AGXT: variants seen among roughly 807,000 people sequenced by gnomAD.
The protein encoded by AGXT is L-alanine: glyoxylate aminotransferase 1.
AGXT carries 41 observed loss-of-function variants against 46.9 expected under a neutral mutation model. The ratio of observed to expected loss-of-function variants is 0.88; its 90% CI spans 0.68 to 1.14. The LOEUF is 1.14. Among genes scored for constraint, AGXT ranks in the 50% most tolerant of loss-of-function variants. The pLI, the probability that AGXT is intolerant of heterozygous loss-of-function variation, is 0.00. For synonymous variants in AGXT, 244 were observed against 227.9 expected (o/e 1.07, Z -0.64); for missense variants, 525 against 522.7 (o/e 1.00, Z -0.04).
At chr2:240,870,826 C>T (rs2058987173) in intron 3 of AGXT, 118 bp downstream of exon 3, 2 of 1,006,344 alleles carry the variant, frequency 2.0e-6, no homozygotes, top group Non-Finnish European at 3.0e-6. Flanking sequence ...AGGCTGGTGG[C>T]TGACCCTCAG....
At chr2:240,873,903 C>A in intron 5 of AGXT, 75 bp from the exon 6 acceptor site, 1 of 1,333,438 alleles carries the variant, frequency 7.5e-7, no homozygotes, top group Non-Finnish European at 1.1e-6. Flanking sequence ...AGCCCATTAG[C>A]TAGGCAGGCA....
At chr2:240,875,401 G>A (rs555777301) in intron 7 of AGXT, among the ~76,000 whole-genome samples, 197 bp downstream of exon 7, 3 of 152,212 alleles carry the variant, frequency 2.0e-5, no homozygotes, top group South Asian at 2.1e-4. Flanking sequence ...CGACTGGCCC[G>A]AGGCTCTGGG....
At chr2:240,875,663 T>C (rs569423619) in intron 7 of AGXT, among the ~76,000 whole-genome samples, 1 of 152,242 alleles carries the variant, frequency 6.6e-6, no homozygotes, top group Non-Finnish European at 1.5e-5. Context: ...ACGCTGGGAC[T>C]GAGGGGCTCC....
intron 5 of AGXT, chr2:240,873,255 G>C: frequency 3.5e-6 from 2 of 578,196 alleles, no homozygotes; most frequent in Non-Finnish European, 6.2e-6. Flanking sequence ...TGAGCTTTCA[G>C]ATCCAGGCGT....
intron 6 of AGXT, among the ~76,000 whole-genome samples, chr2:240,874,695 C>T (rs1419766353): frequency 6.6e-6 from 1 of 152,214 alleles, no homozygotes; most frequent in Non-Finnish European, 1.5e-5. Context: ...TGGGGAGAGG[C>T]CGGGGCTGGC....
At chr2:240,875,796 C>T (rs1175990661) in intron 7 of AGXT, 139 bp from the exon 8 acceptor site, 12 of 947,782 alleles carry the variant, frequency 1.3e-5, no homozygotes, top group Admixed American at 6.2e-5. Context: ...GTTCTGAACC[C>T]GGACAGGACT....
rs369184209 is a variant in AGXT at position 240,869,269 on chromosome 2, G to T, written c.265G>T (p.Ala89Ser). Residue 89 changes from alanine (A) to serine (S), a missense_variant, in exon 2 of 11, where the codon GCC becomes TCC. By Grantham distance (99) the Ala-to-Ser change is moderately conservative. Coordinates refer to ENST00000307503, the MANE Select transcript of AGXT (RefSeq NM_000030.3). ...CTCGGGACACTGTGCCCTGGAGGCC[G>T]CCCTGGTCAATGTGCTGGAGCCTGG... ...SGSGHCALEA[A>S]LVNVLEPGDS... 1.9e-6 allele frequency: 3 copies of T among 1,613,758 alleles called. No individual in the cohort carries two copies. The highest frequency in any genetic ancestry group is 4.5e-5 in the East Asian group (2 of 44,872).
At chr2:240,877,128 C>T (rs6732985) in intron 8 of AGXT, 129,151 of 386,736 alleles carry the variant, frequency 0.33, 23,251 homozygotes, top group Non-Finnish European at 0.4. Context: ...AGCAGTGCTG[C>T]GGAGGATGCC....
intron 7 of AGXT, among the ~76,000 whole-genome samples, chr2:240,875,519 G>A (rs1004617755): frequency 1.3e-5 from 2 of 152,188 alleles, no homozygotes; most frequent in African/African-American, 4.8e-5. Flanking sequence ...CCACTCCTGG[G>A]CCTCAGCTTA....
At position 240,873,891 on chromosome 2, in the gene AGXT, C is replaced by T. The variant is rs2059005132; in HGVS notation, c.596-87C>T. On this transcript the variant is annotated intron_variant, in intron 5 of 10. Coordinates refer to ENST00000307503, the MANE Select transcript of AGXT (RefSeq NM_000030.3). ...GGATTCGTGGTAGGGTCGTAGCCTA[C>T]CAGCCCATTAGCTAGGCAGGCATCC... 2.5e-6 allele frequency: 3 copies of T among 1,211,040 alleles called. No homozygotes were observed. The South Asian group carries it at 3.6e-5, about 15-fold the overall frequency. 75.0% of individuals were successfully genotyped at this position (1,211,040 alleles called of 1,614,324 possible). A position where few individuals can be genotyped will look rare whatever the true frequency, so the allele number is the denominator to read the frequency against.
Position 240,878,760 on chromosome 2 carries a change from T to C in AGXT, c.1118T>C (p.Val373Ala), listed in dbSNP as rs773869672. ...LLGCNATREN[V>A]DRVTEALRAA... ...GGCTGCAATGCCACCCGCGAGAATG[T>C]GGACCGCGTGACGGAGGCCCTGAGG... Residue 373 changes from valine to alanine, a missense_variant, in exon 11 of 11, where the codon GTG (valine) becomes GCG (alanine). Val to Ala is a moderately conservative substitution (Grantham distance 64, BLOSUM62 0). Coordinates refer to ENST00000307503, the MANE Select transcript of AGXT (RefSeq NM_000030.3). 1 of 1,590,978 alleles carries C rather than the reference T, an allele frequency of 6.3e-7. No homozygotes were observed. The highest frequency in any genetic ancestry group is 8.5e-7 in the Non-Finnish European group (1 of 1,172,408).
In AGXT at chr2:240,875,939, C is replaced by G. The variant is rs778567956; in HGVS notation, c.781C>G (p.His261Asp). Residue 261 changes from histidine to aspartate, a missense_variant, in exon 8 of 11, where the codon CAT becomes GAT. His to Asp is a moderately conservative substitution (Grantham distance 81). Coordinates refer to ENST00000307503, the MANE Select transcript of AGXT (RefSeq NM_000030.3). Reference protein sequence around the residue: ...WGCDDQPRMYHHTIPVISLYS... With the variant: ...WGCDDQPRMYDHTIPVISLYS... Reference sequence around the variant, plus strand: ...AAGCCCCCTCGTGTCTTCCAGGTACCATCACACAATCCCCGTCATCAGCCT... The same window carrying G: ...AAGCCCCCTCGTGTCTTCCAGGTACGATCACACAATCCCCGTCATCAGCCT... 1 of 1,614,174 alleles carries G rather than the reference C, an allele frequency of 6.2e-7. No individual in the cohort carries two copies. The highest frequency in any genetic ancestry group is 2.2e-5 in the East Asian group (1 of 44,878).
chr2:240,870,038 CA>C (rs1222642788), intron 2 of AGXT, among the ~76,000 whole-genome samples: 1 of 152,194 alleles, frequency 6.6e-6, no homozygotes, highest in Non-Finnish European at 1.5e-5. Flanking sequence ...AAGTGGACAT[CA>C]GGGCACGCAG....
In AGXT at chr2:240,878,165, C is replaced by T; in HGVS notation, c.1071+15C>T. On this transcript the variant is annotated intron_variant, in intron 10 of 10. Transcript: ENST00000307503. ...CCACGGGGAAGGTGAGAGGGAGCGCCTCGAGGGCCTTTTGCAGAAACCAAA... is the reference window on the plus strand; with the variant it reads ...CCACGGGGAAGGTGAGAGGGAGCGCTTCGAGGGCCTTTTGCAGAAACCAAA... 6.2e-7 allele frequency: 1 copy of T among 1,611,944 alleles called. No homozygotes were observed. The highest frequency in any genetic ancestry group is 2.2e-5 in the East Asian group (1 of 44,864).
chr2:240,877,947 G>T, intron 9 of AGXT, 75 bp from the exon 10 acceptor site: 1 of 1,577,544 alleles, frequency 6.3e-7, no homozygotes, highest in Non-Finnish European at 8.6e-7. Flanking sequence ...TGGGGCAGAT[G>T]GTGCAGGCCA....
At chr2:240,874,092 G>A (rs766211615) in intron 6 of AGXT, 30 bp downstream of exon 6, 58 of 1,607,578 alleles carry the variant, frequency 3.6e-5, no homozygotes, top group Non-Finnish European at 4.6e-5. Flanking sequence ...TCACCTCTGT[G>A]CAGGGCTGGG....
At chr2:240,874,419 C>T (rs2059011348) in intron 6 of AGXT, among the ~76,000 whole-genome samples, 1 of 152,240 alleles carries the variant, frequency 6.6e-6, no homozygotes, top group African/African-American at 2.4e-5. Context: ...ACGTGGGCCA[C>T]ACACAGTGCC....
chr2:240,873,444 T>C (rs1424905881), intron 5 of AGXT: 4 of 288,184 alleles, frequency 1.4e-5, no homozygotes, highest in Non-Finnish European at 2.6e-5. Context: ...AGGCTGCCCA[T>C]AGCAGTGAGC....
At chr2:240,871,544 GT>G (rs763316488) in intron 4 of AGXT, 95 bp downstream of exon 4, 88 of 1,136,490 alleles carry the variant, frequency 7.7e-5, no homozygotes, top group Non-Finnish European at 1.1e-4. Flanking sequence ...TCTGCCCCTG[GT>G]CCCCACCCCA....
Sources: gnomAD v4.1 joint callset for allele counts (sites outside exome capture counted in the v4.1 genomes callset) on GRCh38, gnomAD v4.1.1 for gene constraint, MANE v1.5 for transcripts, NCBI Gene and HGNC (gene_info 2026-07-23, HGNC 2026-07-21) for gene names.